Variants in PHF2 observed in about 807,000 individuals in gnomAD.
PHF2 encodes lysine-specific demethylase PHF2.
In PHF2, 27 loss-of-function variants were observed where a neutral mutation model predicts 120.5. The observed-to-expected ratio is 0.22, with a 90% CI of 0.17 to 0.31. PHF2 has a LOEUF of 0.31. PHF2 is among the 10% of genes least tolerant of loss of function. PHF2 has a pLI of 1.00. For synonymous variants in PHF2, 568 were observed against 592.5 expected, an observed-to-expected ratio of 0.96 and a Z score of 0.60; for missense variants, 1,024 against 1,434.8, an observed-to-expected ratio of 0.71 and a Z score of 4.63.
chr9:93,633,057 C>G (rs985316727), intron 2 of PHF2, among the ~76,000 whole-genome samples: 1 of 152,182 alleles, frequency 6.6e-6, no homozygotes, highest in African/African-American at 2.4e-5. Flanking sequence ...GTGCTGGGAA[C>G]CTCTGGAGGC....
chr9:93,613,566 T>C (rs1290261140), intron 1 of PHF2, among the ~76,000 whole-genome samples: 11 of 150,130 alleles, frequency 7.3e-5, no homozygotes, highest in Non-Finnish European at 1.2e-4. Flanking sequence ...TTTTCTTTTT[T>C]TTTTTTTTTT....
At chr9:93,648,190 A>G (rs934696054) in intron 4 of PHF2, among the ~76,000 whole-genome samples, 1 of 152,238 alleles carries the variant, frequency 6.6e-6, no homozygotes, top group African/African-American at 2.4e-5. Context: ...GTTGGAGAGA[A>G]GGCCATGTTG....
chr9:93,618,309 G>A (rs571107854), intron 1 of PHF2, among the ~76,000 whole-genome samples: 1 of 152,396 alleles, frequency 6.6e-6, no homozygotes, highest in Non-Finnish European at 1.5e-5. Flanking sequence ...GGCAAGGTGA[G>A]TGTGGTGGAC....
intron 5 of PHF2, among the ~76,000 whole-genome samples, chr9:93,651,476 C>G (rs1455492056): frequency 6.6e-6 from 1 of 152,084 alleles, no homozygotes; most frequent in Non-Finnish European, 1.5e-5. Context: ...TGGGTCGGGT[C>G]CATGGAGTGG....
At chr9:93,607,473 G>C (rs993304447) in intron 1 of PHF2, among the ~76,000 whole-genome samples, 2 of 148,622 alleles carry the variant, frequency 1.3e-5, no homozygotes, top group Non-Finnish European at 3.0e-5. Context: ...GGTAGGGAGA[G>C]GGTTTCACCA....
intron 1 of PHF2, among the ~76,000 whole-genome samples, chr9:93,625,356 T>A (rs1052612803): frequency 3.9e-5 from 6 of 152,210 alleles, no homozygotes; most frequent in Non-Finnish European, 7.3e-5. Flanking sequence ...ATATACAGAC[T>A]ACATTTTGTT....
chr9:93,648,057 G>A (rs886135783), intron 4 of PHF2, among the ~76,000 whole-genome samples: 1 of 152,090 alleles, frequency 6.6e-6, no homozygotes, highest in Non-Finnish European at 1.5e-5. Flanking sequence ...CTTCCCAGTT[G>A]CCTCAAAAGT....
intron 1 of PHF2, among the ~76,000 whole-genome samples, chr9:93,620,034 A>G (rs1031500064): frequency 6.6e-6 from 1 of 152,200 alleles, no homozygotes; most frequent in African/African-American, 2.4e-5. Flanking sequence ...GCTCAGCCAA[A>G]TGCCCTGCTC....
In PHF2 at chr9:93,649,130, C is replaced by T. The variant is rs762259867; in HGVS notation, c.520C>T (p.Leu174=). Residue 174 remains leucine, a synonymous_variant, in exon 5 of 22, where the codon CTG becomes TTG. Transcript: ENST00000359246. ...CAAGCAGAAGGACTGCAAGATGAAG[C>T]TGAAGGAGTTTGTGGACTATTACTA... is the stretch of plus-strand genomic sequence containing the variant. ...VTKQKDCKMK[L]KEFVDYYYST... is the part of the protein sequence containing the mutation. 3.9e-6 allele frequency: 6 copies of T among 1,551,176 alleles called. No homozygotes were observed. In the South Asian group the frequency reaches 7.1e-5, roughly 18 times the overall value.
intron 1 of PHF2, among the ~76,000 whole-genome samples, chr9:93,594,186 AC>A (rs57656509): frequency 0.032 from 4,446 of 140,226 alleles, 169 homozygotes; most frequent in African/African-American, 0.092. Flanking sequence ...TTCTCATGTG[AC>A]CCCCCCCCCC....
At chr9:93,646,514 C>A (rs550849503) in intron 4 of PHF2, among the ~76,000 whole-genome samples, 1 of 152,326 alleles carries the variant, frequency 6.6e-6, no homozygotes, top group South Asian at 2.1e-4. Context: ...GGCAAACCCC[C>A]AGGACAGAAG....
intron 1 of PHF2, among the ~76,000 whole-genome samples, chr9:93,586,505 C>T (rs1263419511): frequency 2.0e-5 from 3 of 152,220 alleles, no homozygotes; most frequent in African/African-American, 7.2e-5. Flanking sequence ...GGGCCAGCAG[C>T]CGGCCAGCAG....
intron 17 of PHF2, among the ~76,000 whole-genome samples, chr9:93,669,155 G>A (rs1826735512): frequency 6.6e-6 from 1 of 152,232 alleles, no homozygotes; most frequent in Non-Finnish European, 1.5e-5. Flanking sequence ...TTGCCCAGAC[G>A]GCATGGCATG....
intron 14 of PHF2, 73 bp from the exon 15 acceptor site, chr9:93,665,613 C>G: frequency 6.6e-7 from 1 of 1,518,424 alleles, no homozygotes; most frequent in Non-Finnish European, 8.9e-7. Context: ...GCAGAGGACC[C>G]CTCGGGAGGT....
intron 1 of PHF2, among the ~76,000 whole-genome samples, chr9:93,592,381 A>G (rs2131606374): frequency 6.6e-6 from 1 of 151,092 alleles, no homozygotes; most frequent in East Asian, 1.9e-4. Context: ...TGCCCCCATC[A>G]CTGACCTGTT....
At chr9:93,583,420 A>G (rs1862970428) in intron 1 of PHF2, among the ~76,000 whole-genome samples, 1 of 152,192 alleles carries the variant, frequency 6.6e-6, no homozygotes, top group Non-Finnish European at 1.5e-5. Context: ...TCTTTTGGAT[A>G]TATACTTGGG....
chr9:93,607,192 T>C (rs1395077104), intron 1 of PHF2, among the ~76,000 whole-genome samples: 1 of 152,218 alleles, frequency 6.6e-6, no homozygotes, highest in Non-Finnish European at 1.5e-5. Context: ...TTATGGGTCC[T>C]TTACTTCTCC....
chr9:93,602,388 G>C (rs370476147), intron 1 of PHF2, among the ~76,000 whole-genome samples: 2 of 151,330 alleles, frequency 1.3e-5, no homozygotes, highest in East Asian at 3.9e-4. Flanking sequence ...GAGTAGCTGG[G>C]ATTACAGGCA....
intron 1 of PHF2, among the ~76,000 whole-genome samples, chr9:93,583,432 A>G (rs1050071349): frequency 2.7e-4 from 41 of 152,322 alleles, no homozygotes; most frequent in African/African-American, 9.6e-4. Context: ...ATACTTGGGA[A>G]TGGAATTGCC....
Sources: allele counts gnomAD v4.1 joint callset (sites outside exome capture counted in the v4.1 genomes callset), GRCh38; gene constraint gnomAD v4.1.1; transcripts MANE v1.5; gene names NCBI Gene and HGNC (gene_info 2026-07-23, HGNC 2026-07-21).